Variants in RGS22 observed in about 807,000 individuals in gnomAD.
RGS22 encodes the protein regulator of G protein signaling 22, also known as regulator of G-protein signaling 22.
A neutral mutation model predicts 172.9 loss-of-function variants in RGS22; 148 were observed. The observed-to-expected ratio is 0.86, with a 90% CI of 0.75 to 0.98. The LOEUF (loss-of-function observed/expected upper bound fraction) is 0.98, where lower values mean the gene tolerates loss of function less well. Ranked by LOEUF, RGS22 falls within the 50% of genes least tolerant of loss-of-function variation. The pLI is 0.00. For missense variants in RGS22, 1,347 were observed against 1,440.8 expected (o/e 0.93, Z 1.05); for synonymous variants, 458 against 480.2 (o/e 0.95, Z 0.60).
intron 14 of RGS22, among the ~76,000 whole-genome samples, chr8:100,025,890 A>C (rs1818123671): frequency 6.6e-6 from 1 of 152,176 alleles, no homozygotes; most frequent in Non-Finnish European, 1.5e-5. Context: ...TTTCTCTCTC[A>C]ATCTTTCTAG....
intron 14 of RGS22, among the ~76,000 whole-genome samples, chr8:100,010,999 G>A (rs1035900542): frequency 2.6e-5 from 4 of 151,568 alleles, no homozygotes; most frequent in African/African-American, 4.9e-5. Flanking sequence ...GTCAATAATC[G>A]CACAATAGAG....
intron 20 of RGS22, among the ~76,000 whole-genome samples, chr8:99,992,304 T>G (rs1444949972): frequency 6.6e-6 from 1 of 152,142 alleles, no homozygotes; most frequent in African/African-American, 2.4e-5. Flanking sequence ...ATGCCGCAAT[T>G]AAAAGACACA....
chr8:100,008,822 G>A (rs1816036849), intron 14 of RGS22, among the ~76,000 whole-genome samples: 1 of 152,164 alleles, frequency 6.6e-6, no homozygotes, highest in South Asian at 2.1e-4. Context: ...ATCTGAGGAA[G>A]CACTAAATAT....
At chr8:100,011,313 C>T (rs1317872088) in intron 14 of RGS22, among the ~76,000 whole-genome samples, 1 of 152,118 alleles carries the variant, frequency 6.6e-6, no homozygotes, top group Non-Finnish European at 1.5e-5. Flanking sequence ...ATATTTGAGG[C>T]AGTTTGGAAG....
intron 6 of RGS22, among the ~76,000 whole-genome samples, chr8:100,070,049 C>CAAAA (rs869191257): frequency 9.8e-6 from 1 of 101,700 alleles, no homozygotes; most frequent in Non-Finnish European, 1.8e-5. Context: ...AAAAAAAAAA[C>CAAAA]AAAACAAAAC....
At chr8:100,007,444 T>C (rs550375386) in intron 15 of RGS22, among the ~76,000 whole-genome samples, 1 of 152,262 alleles carries the variant, frequency 6.6e-6, no homozygotes, top group Non-Finnish European at 1.5e-5. Context: ...ACAAAAGACA[T>C]GCTGAAACTT....
In RGS22 at chr8:99,962,757, A is replaced by G. The variant is rs1304546013; in HGVS notation, c.3720T>C (p.Pro1240=). 1 of 1,611,360 alleles carries G rather than the reference A, an allele frequency of 6.2e-7. No individual in the cohort carries two copies. Among genetic ancestry groups the G allele is most frequent in the Admixed American group, 1.7e-5 (1 of 59,330 alleles). ...AAGAGCTAGCCTTAAAATTTGTGAG[A>G]GGTTGCAAGCCTGCACAAAAATAAA... ...LEKKLFAGLQ[P]LTNFKASSST... is the part of the protein sequence containing the mutation. Residue 1240 remains proline, a synonymous_variant, in exon 26 of 28, where the codon CCT becomes CCC. Transcript: ENST00000360863.
At chr8:100,034,184 C>A (rs536321874) in intron 14 of RGS22, among the ~76,000 whole-genome samples, 2 of 152,020 alleles carry the variant, frequency 1.3e-5, no homozygotes, top group East Asian at 1.9e-4. Context: ...TGTCCCTGTT[C>A]GCAGATGACA....
intron 23 of RGS22, among the ~76,000 whole-genome samples, chr8:99,971,100 C>T (rs997827886): frequency 1.3e-5 from 2 of 152,186 alleles, no homozygotes; most frequent in Admixed American, 1.3e-4. Flanking sequence ...CATAATCCAC[C>T]ACATAAACAG....
At chr8:99,976,268 G>A (rs1298506531) in intron 23 of RGS22, among the ~76,000 whole-genome samples, 1 of 152,128 alleles carries the variant, frequency 6.6e-6, no homozygotes, top group African/African-American at 2.4e-5. Context: ...AATACAATAT[G>A]ATACCATTTA....
chr8:100,022,109 C>T (rs142787680), intron 14 of RGS22, among the ~76,000 whole-genome samples: 37 of 152,254 alleles, frequency 2.4e-4, no homozygotes, highest in Admixed American at 6.5e-4. Flanking sequence ...ACAGATGGAG[C>T]TTTTCACAGA....
intron 23 of RGS22, 92 bp downstream of exon 23, chr8:99,977,825 T>C (rs1256511295): frequency 3.7e-6 from 4 of 1,090,028 alleles, no homozygotes; most frequent in East Asian, 2.8e-5. Flanking sequence ...ATAACTTCTC[T>C]CTATATATCC....
At chr8:100,036,877 G>A (rs982634107) in intron 14 of RGS22, among the ~76,000 whole-genome samples, 1 of 152,126 alleles carries the variant, frequency 6.6e-6, no homozygotes, top group East Asian at 1.9e-4. Context: ...GGGATTACAG[G>A]CATGAGCTAA....
intron 19 of RGS22, 93 bp downstream of exon 19, chr8:99,999,169 A>AG: frequency 8.4e-7 from 1 of 1,192,482 alleles, no homozygotes; most frequent in East Asian, 2.6e-5. Flanking sequence ...AAAAAAAAAA[A>AG]AAAAGGACAA....
chr8:100,048,236 T>C (rs1820936871), intron 10 of RGS22, among the ~76,000 whole-genome samples: 1 of 152,096 alleles, frequency 6.6e-6, no homozygotes, highest in African/African-American at 2.4e-5. Flanking sequence ...ATATAATACT[T>C]AAAAGTAGTA....
intron 14 of RGS22, among the ~76,000 whole-genome samples, chr8:100,036,351 T>A (rs1250019961): frequency 6.6e-6 from 1 of 152,190 alleles, no homozygotes; most frequent in Non-Finnish European, 1.5e-5. Context: ...AGCCATGTGG[T>A]GAAATCTTCA....
intron 23 of RGS22, among the ~76,000 whole-genome samples, chr8:99,974,541 T>C (rs1009176800): frequency 2.6e-5 from 4 of 152,208 alleles, no homozygotes; most frequent in Non-Finnish European, 5.9e-5. Flanking sequence ...GGCTCATGCC[T>C]GTAATCACAG....
chr8:100,056,994 G>T (rs1298956052), intron 9 of RGS22, among the ~76,000 whole-genome samples: 1 of 152,196 alleles, frequency 6.6e-6, no homozygotes, highest in Non-Finnish European at 1.5e-5. Context: ...AAGGCAGTCG[G>T]GAGGGAGGCC....
rs374740685 is a variant in RGS22, at chr8:100,003,954, G to T, written c.2599C>A (p.Arg867Ser). ...GAAGAATGAGTCTCAAGAAACTGACGGAAATGTTCAAACTCCAGTTTGTTG... is the reference window on the plus strand; with the variant it reads ...GAAGAATGAGTCTCAAGAAACTGACTGAAATGTTCAAACTCCAGTTTGTTG... Reference protein sequence around the residue: ...LNNKLEFEHFRQFLETHSSSM... With the variant: ...LNNKLEFEHFSQFLETHSSSM... Residue 867 changes from arginine to serine, a missense_variant, in exon 17 of 28, where the codon CGT (arginine) becomes AGT (serine). Transcript: ENST00000360863. 6.2e-7 allele frequency: 1 copy of T among 1,607,664 alleles called. No homozygotes were observed. The highest frequency in any genetic ancestry group is 2.2e-5 in the East Asian group (1 of 44,544).
Sources: gnomAD v4.1 joint callset for allele counts (sites outside exome capture counted in the v4.1 genomes callset) on GRCh38, gnomAD v4.1.1 for gene constraint, MANE v1.5 for transcripts, NCBI Gene and HGNC (gene_info 2026-07-23, HGNC 2026-07-21) for gene names.